Variants in FRMPD4 observed in about 807,000 individuals in gnomAD.
FRMPD4 encodes FERM and PDZ domain containing 4.
A neutral mutation model predicts 94.1 loss-of-function variants in FRMPD4; 22 were observed. That is an observed-to-expected ratio of 0.23 (90% confidence interval 0.17 to 0.33). The LOEUF is 0.33. Among genes scored for constraint, FRMPD4 ranks in the 10% least tolerant of loss-of-function variants. The probability of loss-of-function intolerance (pLI) is 1.00; values close to 1 mark genes in which losing one functional copy is unlikely to be tolerated. For synonymous variants in FRMPD4, 631 were observed against 548.6 expected (o/e 1.15, Z -2.10); for missense variants, 1,111 against 1,339.9 (o/e 0.83, Z 2.67).
intron 3 of FRMPD4, among the ~76,000 whole-genome samples, chrX:12,044,155 C>A (rs2054773120): frequency 8.9e-6 from 1 of 112,120 alleles, no homozygotes; most frequent in Non-Finnish European, 1.9e-5. Context: ...AATGAGCAAT[C>A]TAGAATAATG....
At chrX:12,352,420 A>G (rs949859075) in intron 1 of FRMPD4, among the ~76,000 whole-genome samples, 7 of 112,472 alleles carry the variant, frequency 6.2e-5, no homozygotes, top group African/African-American at 2.3e-4. Context: ...TCCAATGTGA[A>G]CATCAAAGAT....
At chrX:11,950,273 G>A (rs1601852540) in intron 3 of FRMPD4, among the ~76,000 whole-genome samples, 2 of 112,169 alleles carry the variant, frequency 1.8e-5, no homozygotes. Context: ...GGCCTCCCCA[G>A]CAATGTGGAA....
chrX:12,723,931 T>G lies in FRMPD4; in HGVS notation c.*2073T>G, dbSNP rs2042286051. The G allele has an allele frequency of 8.9e-6, 1 of 111,926 alleles. No homozygotes were observed. The highest frequency in any genetic ancestry group is 3.7e-4 in the South Asian group (1 of 2,683). 9.2% of individuals were successfully genotyped at this position (111,926 alleles called of 1,213,427 possible). A position where few individuals can be genotyped will look rare whatever the true frequency, so the allele number is the denominator to read the frequency against. On this transcript the variant is annotated 3_prime_UTR_variant, in exon 17 of 17. Coordinates refer to ENST00000675598, the MANE Select transcript of FRMPD4 (RefSeq NM_001368397.1). ...AAGATCGATTTCCATAGGGTTGTCATGAGTTTTGAGTAAAAATGTGTATGT... is the reference window on the plus strand; with the variant it reads ...AAGATCGATTTCCATAGGGTTGTCAGGAGTTTTGAGTAAAAATGTGTATGT...
At chrX:12,128,788 T>G (rs747227387) in intron 3 of FRMPD4, among the ~76,000 whole-genome samples, 5 of 112,363 alleles carry the variant, frequency 4.4e-5, no homozygotes, top group African/African-American at 1.6e-4. Flanking sequence ...CCTTGCTGCT[T>G]AGAAATTTCT....
intron 1 of FRMPD4, among the ~76,000 whole-genome samples, chrX:12,421,794 G>T (rs911567891): frequency 9.3e-6 from 1 of 107,209 alleles, no homozygotes; most frequent in Non-Finnish European, 1.9e-5. Context: ...AAGCTGGGGG[G>T]GCAGGGGCTG....
chrX:12,199,237 A>G (rs2056600275), intron 1 of FRMPD4, among the ~76,000 whole-genome samples: 3 of 91,278 alleles, frequency 3.3e-5, no homozygotes, highest in African/African-American at 8.3e-5. Context: ...AGAAAGGAAA[A>G]TGTGTGTGTG....
chrX:12,025,150 C>T (rs1194793534), intron 3 of FRMPD4, among the ~76,000 whole-genome samples: 1 of 110,399 alleles, frequency 9.1e-6, no homozygotes, highest in African/African-American at 3.3e-5. Flanking sequence ...TCTGTGTAAC[C>T]TAAAAATGTC....
At chrX:12,439,848 G>T (rs184224386) in intron 1 of FRMPD4, among the ~76,000 whole-genome samples, 1 of 111,524 alleles carries the variant, frequency 9.0e-6, no homozygotes, top group Non-Finnish European at 1.9e-5. Flanking sequence ...GTTGTTAACC[G>T]TTGGAACCTT....
chrX:11,840,536 G>C (rs2053528317), intron 1 of FRMPD4, among the ~76,000 whole-genome samples: 1 of 108,990 alleles, frequency 9.2e-6, no homozygotes, highest in Admixed American at 9.8e-5. Context: ...CTCTCTGTAT[G>C]TGAATATGTG....
At chrX:12,102,886 G>A (rs2055267027) in intron 3 of FRMPD4, among the ~76,000 whole-genome samples, 1 of 110,504 alleles carries the variant, frequency 9.0e-6, no homozygotes, top group South Asian at 3.9e-4. Context: ...TGCTCCGAGA[G>A]ATGCTATCAT....
chrX:12,259,466 A>G (rs1340585988), intron 1 of FRMPD4, among the ~76,000 whole-genome samples: 1 of 111,577 alleles, frequency 9.0e-6, no homozygotes, highest in Non-Finnish European at 1.9e-5. Flanking sequence ...AGAAGCTAGG[A>G]AGATGTAAGG....
chrX:12,367,609 G>A (rs932857679), intron 1 of FRMPD4, among the ~76,000 whole-genome samples: 2 of 111,320 alleles, frequency 1.8e-5, no homozygotes, highest in Non-Finnish European at 3.8e-5. Flanking sequence ...GAGAGGAGTC[G>A]ATGGTGCTTG....
intron 3 of FRMPD4, among the ~76,000 whole-genome samples, chrX:11,911,089 C>T (rs1005693093): frequency 8.9e-6 from 1 of 112,329 alleles, no homozygotes; most frequent in East Asian, 2.8e-4. Flanking sequence ...GCTTTGCCAT[C>T]TCGATCTCAG....
chrX:12,054,883 C>G (rs186797119), intron 3 of FRMPD4: 2 of 111,683 alleles, frequency 1.8e-5, no homozygotes, highest in Admixed American at 1.9e-4. Context: ...GGAGTTTAAT[C>G]TGTGAACAGT....
At chrX:12,642,563 G>A (rs1797023108) in intron 4 of FRMPD4, among the ~76,000 whole-genome samples, 1 of 112,641 alleles carries the variant, frequency 8.9e-6, no homozygotes, top group African/African-American at 3.2e-5. Flanking sequence ...TGGCCCACAG[G>A]CCAAATCTGG....
At chrX:12,542,992 G>C (rs1456355005) in intron 2 of FRMPD4, among the ~76,000 whole-genome samples, 12 of 112,034 alleles carry the variant, frequency 1.1e-4, no homozygotes, top group African/African-American at 3.9e-4. Flanking sequence ...ATGGGGAAAA[G>C]ATTCCCTTTT....
At chrX:12,122,558 C>T (rs2055464170) in intron 3 of FRMPD4, among the ~76,000 whole-genome samples, 1 of 110,645 alleles carries the variant, frequency 9.0e-6, no homozygotes, top group Admixed American at 9.7e-5. Context: ...TGTAGTTCAC[C>T]TGCCCAAAAG....
chrX:12,065,793 C>T (rs934633346), intron 3 of FRMPD4, among the ~76,000 whole-genome samples: 6 of 112,041 alleles, frequency 5.4e-5, no homozygotes, highest in African/African-American at 1.9e-4. Flanking sequence ...CTCTTTTGAT[C>T]GAAGTAATTT....
intron 3 of FRMPD4, among the ~76,000 whole-genome samples, chrX:11,988,087 C>A (rs186716690): frequency 9.0e-6 from 1 of 111,404 alleles, no homozygotes; most frequent in African/African-American, 3.2e-5. Flanking sequence ...AAAAAAACAA[C>A]CCTAACATTT....
Sources: gnomAD v4.1 joint callset for allele counts (sites outside exome capture counted in the v4.1 genomes callset) on GRCh38, gnomAD v4.1.1 for gene constraint, MANE v1.5 for transcripts, NCBI Gene and HGNC (gene_info 2026-07-23, HGNC 2026-07-21) for gene names.